Variants in RNF150 observed in about 807,000 individuals in gnomAD.
RNF150 encodes the protein ring finger protein 150.
RNF150 carries 24 observed loss-of-function variants against 39.3 expected under a neutral mutation model. That is an observed-to-expected ratio of 0.61 (90% CI 0.44 to 0.86). The LOEUF (loss-of-function observed/expected upper bound fraction) is 0.86. RNF150 is among the 40% of genes least tolerant of loss of function. The probability of loss-of-function intolerance (pLI) is 0.00; values close to 1 mark genes in which losing one functional copy is unlikely to be tolerated. For missense variants in RNF150, 502 were observed against 587.8 expected (o/e 0.85, Z 1.51); for synonymous variants, 255 against 227.3 (o/e 1.12, Z -1.10).
intron 1 of RNF150, among the ~76,000 whole-genome samples, chr4:141,108,548 A>T (rs575692540): frequency 6.7e-4 from 102 of 152,124 alleles, no homozygotes; most frequent in African/African-American, 2.0e-3. Context: ...GATGATTTTT[A>T]AAAAAAACAT....
At chr4:141,134,156 CAG>C (rs1262996447), upstream of RNF150, among the ~76,000 whole-genome samples, 1 of 152,184 alleles carries the variant, frequency 6.6e-6, no homozygotes, top group Non-Finnish European at 1.5e-5. Context: ...TGGCTGGGAA[CAG>C]GGGACTCGCA....
intron 1 of RNF150, among the ~76,000 whole-genome samples, chr4:141,160,621 T>C (rs1307829954): frequency 6.6e-6 from 1 of 152,150 alleles, no homozygotes; most frequent in African/African-American, 2.4e-5. Flanking sequence ...TGGAAGATGA[T>C]TGGATCATGG....
At chr4:141,038,610 G>T (rs905349335) in intron 1 of RNF150, among the ~76,000 whole-genome samples, 4 of 152,030 alleles carry the variant, frequency 2.6e-5, no homozygotes, top group Admixed American at 2.0e-4. Context: ...AGGATTGGTT[G>T]AGTATGGGAG....
At position 140,993,203 on chromosome 4, in the gene RNF150, G is replaced by A. The variant is rs149960243; in HGVS notation, c.485-25330C>T. Among the ~76,000 whole-genome samples the A allele has an allele frequency of 1.3e-4, 20 of 152,280 alleles. No homozygotes were observed. In the East Asian group the frequency reaches 1.9e-3, roughly 15 times the overall value. On this transcript the variant is annotated intron_variant, in intron 1 of 6. Coordinates refer to ENST00000515673, the MANE Select transcript of RNF150 (RefSeq NM_020724.2). ...AAAATCAAGGTGTTGGCATGGCTGC[G>A]TTCCTTTGAGAATTCTAAGGGAGAA...
intron 5 of RNF150, among the ~76,000 whole-genome samples, chr4:140,913,845 C>T (rs1366353049): frequency 6.6e-6 from 1 of 152,140 alleles, no homozygotes. Context: ...GCATGATCTG[C>T]CCTAAATCAA....
intron 1 of RNF150, among the ~76,000 whole-genome samples, chr4:141,034,277 CA>C (rs1736061035): frequency 1.3e-5 from 2 of 152,166 alleles, no homozygotes; most frequent in South Asian, 4.2e-4. Flanking sequence ...CTGCTAGCTT[CA>C]AACTTTTCTT....
Position 141,133,020 on chromosome 4 carries a change from G to A in RNF150, c.-212C>T, listed in dbSNP as rs940893086. 8.1e-5 allele frequency: 40 copies of A among 491,704 alleles called. No homozygotes were observed. In the South Asian group the frequency reaches 9.8e-4, roughly 12 times the overall value. The allele number at this position is 491,704 out of a possible 1,614,324, so 30.5% of individuals were successfully genotyped here. On this transcript the variant is annotated 5_prime_UTR_variant, in exon 1 of 7. Transcript: ENST00000515673. Reference sequence around the variant, plus strand: ...CCCCTTCCCCTCTCAGCTGTAGCGCGGTGGTTGCATTTTGCTTCTTGGGCG... The same window carrying A: ...CCCCTTCCCCTCTCAGCTGTAGCGCAGTGGTTGCATTTTGCTTCTTGGGCG...
chr4:140,975,442 T>C (rs933258632), intron 1 of RNF150, among the ~76,000 whole-genome samples: 2 of 152,096 alleles, frequency 1.3e-5, no homozygotes, highest in African/African-American at 4.8e-5. Flanking sequence ...CAAGACTGTA[T>C]TGTATTTTTC....
intron 1 of RNF150, among the ~76,000 whole-genome samples, chr4:141,193,321 C>A (rs1246859055): frequency 6.6e-6 from 1 of 152,244 alleles, no homozygotes; most frequent in Non-Finnish European, 1.5e-5. Flanking sequence ...TTCTTCCCTG[C>A]ACTGTGGAGT....
At chr4:140,959,417 G>A (rs892061550) in intron 2 of RNF150, among the ~76,000 whole-genome samples, 21 of 151,992 alleles carry the variant, frequency 1.4e-4, no homozygotes, top group African/African-American at 4.1e-4. Context: ...GAGTAGAGCC[G>A]CATCCTAATC....
intron 1 of RNF150, among the ~76,000 whole-genome samples, chr4:140,996,789 A>G (rs1262113434): frequency 1.3e-5 from 2 of 152,240 alleles, no homozygotes; most frequent in African/African-American, 4.8e-5. Context: ...AGGTTTCCTA[A>G]TGCCATGTGG....
chr4:140,979,548 T>C (rs897408713), intron 1 of RNF150, among the ~76,000 whole-genome samples: 10 of 151,922 alleles, frequency 6.6e-5, no homozygotes, highest in African/African-American at 2.2e-4. Context: ...CAGTTATTAT[T>C]ATCATCATCA....
chr4:140,935,006 TAAATATATATATA>T (rs1731785723), intron 4 of RNF150, among the ~76,000 whole-genome samples: 1 of 80,432 alleles, frequency 1.2e-5, no homozygotes, highest in African/African-American at 4.5e-5. Flanking sequence ...TATATATATA[TAAATATATATATA>T]TTATATATTT....
intron 1 of RNF150, among the ~76,000 whole-genome samples, chr4:141,095,646 T>C (rs1396982852): frequency 6.6e-6 from 1 of 152,234 alleles, no homozygotes; most frequent in African/African-American, 2.4e-5. Context: ...AGCACTGATA[T>C]ATATACCCAC....
intron 1 of RNF150, among the ~76,000 whole-genome samples, chr4:141,033,107 G>A (rs1168381647): frequency 6.6e-6 from 1 of 152,160 alleles, no homozygotes; most frequent in African/African-American, 2.4e-5. Context: ...ATGTGATGCT[G>A]TTTGACAGCA....
intron 1 of RNF150, among the ~76,000 whole-genome samples, chr4:140,983,678 G>A (rs186233878): frequency 6.6e-6 from 1 of 151,878 alleles, no homozygotes; most frequent in African/African-American, 2.4e-5. Flanking sequence ...GAAGCTAAAG[G>A]GGGTAAGAAA....
At chr4:140,880,341 G>T (rs1405367000) in intron 6 of RNF150, among the ~76,000 whole-genome samples, 1 of 151,832 alleles carries the variant, frequency 6.6e-6, no homozygotes, top group South Asian at 2.1e-4. Context: ...TGCATTCCAG[G>T]GATAAATCCC....
intron 1 of RNF150, among the ~76,000 whole-genome samples, chr4:140,983,991 T>G (rs1335864627): frequency 6.6e-6 from 1 of 152,060 alleles, no homozygotes; most frequent in Non-Finnish European, 1.5e-5. Context: ...CTGCTCACTT[T>G]GGCATCCCAA....
intron 1 of RNF150, among the ~76,000 whole-genome samples, chr4:141,031,205 C>T (rs1016118739): frequency 2.6e-5 from 4 of 151,758 alleles, no homozygotes; most frequent in African/African-American, 9.7e-5. Flanking sequence ...TGAATATCCA[C>T]AAGCAGAAGA....
Sources: gnomAD v4.1 joint callset for allele counts (sites outside exome capture counted in the v4.1 genomes callset) on GRCh38, gnomAD v4.1.1 for gene constraint, MANE v1.5 for transcripts, NCBI Gene and HGNC (gene_info 2026-07-23, HGNC 2026-07-21) for gene names.